The following NCOA2 variants were observed in gnomAD, a reference collection of about 807,000 sequenced individuals.
NCOA2 encodes the protein nuclear receptor coactivator 2.
NCOA2 carries 21 observed loss-of-function variants against 145.1 expected under a neutral mutation model. That is an observed-to-expected ratio of 0.14 (90% CI 0.10 to 0.21). The LOEUF (loss-of-function observed/expected upper bound fraction) is 0.21. NCOA2 is among the 10% of genes least tolerant of loss of function. The probability of loss-of-function intolerance (pLI) is 1.00; values close to 1 mark genes in which losing one functional copy is unlikely to be tolerated. For synonymous variants in NCOA2, 619 were observed against 637.5 expected (o/e 0.97, Z 0.44); for missense variants, 1,472 against 1,837.6 (o/e 0.80, Z 3.64).
chr8:70,362,246 T>C (rs1378162375), intron 1 of NCOA2, among the ~76,000 whole-genome samples: 1 of 152,180 alleles, frequency 6.6e-6, no homozygotes, highest in Non-Finnish European at 1.5e-5. Context: ...GAAAAAAGGA[T>C]AATCAAAACC....
At chr8:70,424,943 G>T in the NCOA2 span, among the ~76,000 whole-genome samples, 1 of 152,290 alleles carries the variant, frequency 6.6e-6, no homozygotes, top group East Asian at 1.9e-4. Context: ...CAAATGGGTG[G>T]AGTGTTCAAA....
chr8:70,350,113 G>T (rs7822008), intron 1 of NCOA2, among the ~76,000 whole-genome samples: 4,020 of 152,102 alleles, frequency 0.026, 166 homozygotes, highest in African/African-American at 0.092. Context: ...TTTATCTTGG[G>T]TGTGTATAAG....
chr8:70,390,703 G>T (rs895316198), intron 1 of NCOA2, among the ~76,000 whole-genome samples: 1 of 152,082 alleles, frequency 6.6e-6, no homozygotes, highest in South Asian at 2.1e-4. Context: ...GGAGTTTGAG[G>T]CTGCAGTGAG....
At chr8:70,225,556 AAAAG>A (rs1458795130) in intron 2 of NCOA2, among the ~76,000 whole-genome samples, 9 of 151,858 alleles carry the variant, frequency 5.9e-5, no homozygotes, top group African/African-American at 1.4e-4. Flanking sequence ...CTCAAAAAAA[AAAAG>A]AAAAGAAAAG....
intron 2 of NCOA2, among the ~76,000 whole-genome samples, chr8:70,224,312 CT>C (rs1453215978): frequency 9.2e-5 from 14 of 152,242 alleles, no homozygotes; most frequent in South Asian, 2.1e-4. Context: ...AAAGCCTTTT[CT>C]TCTGTTTCAG....
At chr8:70,289,802 T>C in intron 2 of NCOA2, among the ~76,000 whole-genome samples, 1 of 152,126 alleles carries the variant, frequency 6.6e-6, no homozygotes, top group East Asian at 1.9e-4. Context: ...GACTCCCTAC[T>C]TGGCCATTAT....
intron 1 of NCOA2, among the ~76,000 whole-genome samples, chr8:70,361,206 A>G (rs1046192590): frequency 3.9e-5 from 6 of 152,116 alleles, no homozygotes; most frequent in Non-Finnish European, 5.9e-5. Context: ...TTTACAATGA[A>G]AATTCTAGCT....
At chr8:70,427,884 T>C in the NCOA2 span, among the ~76,000 whole-genome samples, 1 of 152,232 alleles carries the variant, frequency 6.6e-6, no homozygotes, top group Non-Finnish European at 1.5e-5. Flanking sequence ...TGTGATGTTG[T>C]GGCTTTTCCA....
intron 2 of NCOA2, among the ~76,000 whole-genome samples, chr8:70,282,530 A>C (rs1298089542): frequency 1.3e-5 from 2 of 152,100 alleles, no homozygotes; most frequent in East Asian, 3.9e-4. Context: ...TACCAAAAAT[A>C]CAAAAAAATT....
chr8:70,315,857 A>T (rs1471010642), intron 1 of NCOA2, among the ~76,000 whole-genome samples: 1 of 152,222 alleles, frequency 6.6e-6, no homozygotes, highest in Non-Finnish European at 1.5e-5. Flanking sequence ...AGAGCCTTCC[A>T]GAGAGGAACC....
At chr8:70,423,529 A>C in the NCOA2 span, among the ~76,000 whole-genome samples, 1 of 152,006 alleles carries the variant, frequency 6.6e-6, no homozygotes, top group Non-Finnish European at 1.5e-5. Flanking sequence ...ATAAGATGAA[A>C]ATTTTTCTCT....
At chr8:70,449,210 C>G in the NCOA2 span, among the ~76,000 whole-genome samples, 1 of 152,270 alleles carries the variant, frequency 6.6e-6, no homozygotes, top group Admixed American at 6.5e-5. Context: ...TCAAAAATCT[C>G]TTCTCTAACC....
chr8:70,355,583 C>CT (rs201629269), intron 1 of NCOA2, among the ~76,000 whole-genome samples: 1,809 of 147,138 alleles, frequency 0.012, 39 homozygotes, highest in African/African-American at 0.04. Context: ...TTGTTTTTTT[C>CT]TTTTTTTTTT....
intron 1 of NCOA2, among the ~76,000 whole-genome samples, chr8:70,304,970 T>C (rs1243143547): frequency 1.3e-5 from 2 of 151,026 alleles, no homozygotes; most frequent in African/African-American, 4.9e-5. Flanking sequence ...GATCTACCCA[T>C]GTCGGCCTCC....
intron 15 of NCOA2, among the ~76,000 whole-genome samples, chr8:70,136,561 A>C (rs1039368975): frequency 5.3e-5 from 8 of 151,836 alleles, no homozygotes; most frequent in African/African-American, 1.7e-4. Context: ...AAAAAAAAAA[A>C]AACCCAAAAA....
chr8:70,141,416 G>GA lies in NCOA2; in HGVS notation c.2813-18dup. ...CAATCATTCCTGCATGCAAGCCAAA[G>GA]AAAACTGAGAGATGCAGTAACTGAA... On this transcript the variant is annotated splice_polypyrimidine_tract_variant and intron_variant, in intron 13 of 22. Coordinates refer to ENST00000452400, the MANE Select transcript of NCOA2 (RefSeq NM_006540.4). 1.2e-6 allele frequency: 2 copies of GA among 1,606,554 alleles called. No individual in the cohort carries two copies. The highest frequency in any genetic ancestry group is 4.5e-5 in the East Asian group (2 of 44,750).
chr8:70,428,289 CAA>C, the NCOA2 span, among the ~76,000 whole-genome samples: 16 of 129,428 alleles, frequency 1.2e-4, no homozygotes, highest in African/African-American at 3.2e-4. Flanking sequence ...CCTGTCTCTA[CAA>C]AAAAAAAAAA....
chr8:70,167,083 A>G (rs757423841), intron 6 of NCOA2, among the ~76,000 whole-genome samples: 2 of 152,044 alleles, frequency 1.3e-5, no homozygotes, highest in Non-Finnish European at 2.9e-5. Flanking sequence ...GTCCTGGATT[A>G]TTTGTTACTA....
intron 2 of NCOA2, among the ~76,000 whole-genome samples, chr8:70,288,451 G>A (rs183346149): frequency 5.9e-5 from 9 of 152,146 alleles, no homozygotes; most frequent in Non-Finnish European, 1.3e-4. Context: ...ATGGTGGTGC[G>A]CACCTTTAGT....
Sources: allele counts gnomAD v4.1 joint callset (sites outside exome capture counted in the v4.1 genomes callset), GRCh38; gene constraint gnomAD v4.1.1; transcripts MANE v1.5; gene names NCBI Gene and HGNC (gene_info 2026-07-23, HGNC 2026-07-21).